The following HSPB8 variants were observed in gnomAD, a reference collection of about 807,000 sequenced individuals.
The protein encoded by HSPB8 is heat shock protein beta-8.
In HSPB8, 9 loss-of-function variants were observed where a neutral mutation model predicts 16.5. That is an observed-to-expected ratio of 0.55 (90% CI 0.33 to 0.95). The LOEUF is 0.95. Among genes scored for constraint, HSPB8 ranks in the 40% least tolerant of loss-of-function variants. The pLI is 0.03. For missense variants in HSPB8, 238 were observed against 251.2 expected (o/e 0.95, Z 0.35); for synonymous variants, 99 against 94.8 (o/e 1.04, Z -0.26).
At chr12:119,181,578 T>C (rs1954637894) in intron 1 of HSPB8, among the ~76,000 whole-genome samples, 1 of 152,212 alleles carries the variant, frequency 6.6e-6, no homozygotes, top group Non-Finnish European at 1.5e-5. Flanking sequence ...AAGATTTATT[T>C]TCCTTTCACA....
At chr12:119,188,223 T>C (rs993598466) in intron 2 of HSPB8, among the ~76,000 whole-genome samples, 38 of 147,692 alleles carry the variant, frequency 2.6e-4, no homozygotes, top group African/African-American at 9.3e-4. Context: ...TTCTGGCCCC[T>C]AAACTCTCTC....
Position 119,194,359 on chromosome 12 carries a change from A to C in HSPB8, c.*501A>C, listed in dbSNP as rs1954731679. The C allele has an allele frequency of 9.2e-6, 2 of 216,848 alleles. No homozygotes were observed. The highest frequency in any genetic ancestry group is 7.9e-5 in the South Asian group (1 of 12,692). The allele number at this position is 216,848 out of a possible 1,614,324, so 13.4% of individuals were successfully genotyped here. ...CTAAAATGGGTGATATACAGGTCTT[A>C]TATCCCCATATGGAATTTATCCATC... On this transcript the variant is annotated 3_prime_UTR_variant, in exon 3 of 3. Coordinates refer to ENST00000281938, the MANE Select transcript of HSPB8 (RefSeq NM_014365.3).
At position 119,179,552 on chromosome 12, in the gene HSPB8, G is replaced by A; in HGVS notation, c.240G>A (p.Gly80=). ...GCCCCACTGCCACCGCCAGGTTTGGGGTGCCTGCCGAGGGCAGGACCCCCC... is the reference window on the plus strand; with the variant it reads ...GCCCCACTGCCACCGCCAGGTTTGGAGTGCCTGCCGAGGGCAGGACCCCCC... ...PRGPTATARF[G]VPAEGRTPPP... is the part of the protein sequence containing the mutation. The change falls in exon 1 of 3, where the codon GGG becomes GGA. Residue 80 remains glycine, a synonymous_variant. Coordinates refer to ENST00000281938, the MANE Select transcript of HSPB8 (RefSeq NM_014365.3). 1 of 1,613,574 alleles carries A rather than the reference G, an allele frequency of 6.2e-7. No individual in the cohort carries two copies. The highest frequency in any genetic ancestry group is 8.5e-7 in the Non-Finnish European group (1 of 1,179,728).
intron 1 of HSPB8, chr12:119,182,825 A>C (rs777924193): frequency 6.6e-6 from 1 of 152,098 alleles, no homozygotes; most frequent in Non-Finnish European, 1.5e-5. Flanking sequence ...TAGGTTTGTT[A>C]ACCCCATTAT....
At chr12:119,185,523 G>A (rs1392029061) in intron 1 of HSPB8, among the ~76,000 whole-genome samples, 5 of 152,058 alleles carry the variant, frequency 3.3e-5, no homozygotes, top group Non-Finnish European at 5.9e-5. Context: ...TAGTAGAGAC[G>A]GAGTTTCACC....
intron 2 of HSPB8, among the ~76,000 whole-genome samples, chr12:119,191,565 G>T (rs1479416631): frequency 6.6e-6 from 1 of 150,514 alleles, no homozygotes; most frequent in East Asian, 1.9e-4. Flanking sequence ...TGTGGCTACA[G>T]GTTGTTGTAC....
intron 2 of HSPB8, 104 bp downstream of exon 2, chr12:119,187,192 A>T: frequency 1.1e-6 from 1 of 890,442 alleles, no homozygotes; most frequent in Admixed American, 1.9e-5. Flanking sequence ...CTCTTTTAAG[A>T]CACCTCCTTG....
intron 1 of HSPB8, among the ~76,000 whole-genome samples, chr12:119,185,567 C>G: frequency 6.6e-6 from 1 of 152,056 alleles, no homozygotes; most frequent in Admixed American, 6.6e-5. Flanking sequence ...CTCTTGACCT[C>G]GTGATCCACC....
intron 1 of HSPB8, 139 bp downstream of exon 1, chr12:119,179,818 C>A: frequency 8.7e-7 from 1 of 1,146,452 alleles, no homozygotes. Flanking sequence ...GGAATGCAGC[C>A]TGCAAAGTTA....
At chr12:119,182,360 C>T (rs899008203) in intron 1 of HSPB8, among the ~76,000 whole-genome samples, 27 of 152,098 alleles carry the variant, frequency 1.8e-4, no homozygotes, top group Admixed American at 4.6e-4. Flanking sequence ...ACTTTCGGGC[C>T]GGGTGCGGTG....
Position 119,179,419 on chromosome 12 carries a change from G to T in HSPB8, c.107G>T (p.Gly36Val), listed in dbSNP as rs1220794443. 1.2e-6 allele frequency: 2 copies of T among 1,614,084 alleles called. No homozygotes were observed. The highest frequency in any genetic ancestry group is 1.7e-6 in the Non-Finnish European group (2 of 1,180,020). ...TCTCGCCTGCTGGATGATGGCTTTG[G>T]CATGGACCCCTTCCCAGACGACTTG... ...LSSRLLDDGFGMDPFPDDLTA... is the reference protein window; with the variant it reads ...LSSRLLDDGFVMDPFPDDLTA... Residue 36 changes from glycine to valine, a missense_variant, in exon 1 of 3, where the codon GGC (glycine) becomes GTC (valine). Physicochemically the swap from Gly to Val is moderately radical, Grantham distance 109 (BLOSUM62 -3). Coordinates refer to ENST00000281938, the MANE Select transcript of HSPB8 (RefSeq NM_014365.3).
In HSPB8 at chr12:119,187,578, G is replaced by A. The variant is rs149164096; in HGVS notation, c.431+490G>A. On this transcript the variant is annotated intron_variant, in intron 2 of 2. Coordinates refer to ENST00000281938, the MANE Select transcript of HSPB8 (RefSeq NM_014365.3). The stretch of plus-strand genomic sequence containing the variant: ...TCGCCATGTTGCCCACACTGGTCTT[G>A]AACTCCTGGGCTCAAGCGATCCACC... 1.0e-3 allele frequency among the ~76,000 whole-genome samples: 155 copies of A among 152,224 alleles called. 2 individuals are homozygous for A. The East Asian group carries it at 0.018, about 18-fold the overall frequency.
chr12:119,193,203 C>T (rs1018633303), intron 2 of HSPB8, among the ~76,000 whole-genome samples: 1 of 152,166 alleles, frequency 6.6e-6, no homozygotes, highest in Non-Finnish European at 1.5e-5. Context: ...ACCATTAATG[C>T]ATTTTGTAGT....
intron 2 of HSPB8, among the ~76,000 whole-genome samples, chr12:119,191,841 G>A (rs1954714539): frequency 6.6e-6 from 1 of 152,132 alleles, no homozygotes; most frequent in Admixed American, 6.5e-5. Context: ...TTGGAGACCA[G>A]GATTCCAATT....
intron 2 of HSPB8, among the ~76,000 whole-genome samples, chr12:119,189,780 T>C (rs1156709976): frequency 6.6e-6 from 1 of 152,120 alleles, no homozygotes; most frequent in African/African-American, 2.4e-5. Context: ...TGGGGACCCC[T>C]GAATATTGGC....
intron 2 of HSPB8, among the ~76,000 whole-genome samples, chr12:119,189,744 T>C (rs1226910752): frequency 2.0e-5 from 3 of 152,172 alleles, no homozygotes; most frequent in Non-Finnish European, 4.4e-5. Flanking sequence ...AGGCCACAGA[T>C]GGGTGCCGGT....
chr12:119,188,359 G>T (rs905394172), intron 2 of HSPB8, among the ~76,000 whole-genome samples: 2 of 151,530 alleles, frequency 1.3e-5, no homozygotes, highest in Admixed American at 6.6e-5. Flanking sequence ...CAATTCTCCG[G>T]CCTCAATCTC....
At chr12:119,183,930 C>T (rs1954655611) in intron 1 of HSPB8, among the ~76,000 whole-genome samples, 1 of 152,218 alleles carries the variant, frequency 6.6e-6, no homozygotes, top group Non-Finnish European at 1.5e-5. Context: ...TGTTTACCTT[C>T]ACATGGTACT....
At chr12:119,184,906 A>G (rs944577239) in intron 1 of HSPB8, among the ~76,000 whole-genome samples, 7 of 152,232 alleles carry the variant, frequency 4.6e-5, no homozygotes, top group Non-Finnish European at 7.3e-5. Flanking sequence ...GTTGTCAAAG[A>G]ATATTTGGTA....
Sources: allele counts gnomAD v4.1 joint callset (sites outside exome capture counted in the v4.1 genomes callset), GRCh38; gene constraint gnomAD v4.1.1; transcripts MANE v1.5; gene names NCBI Gene and HGNC (gene_info 2026-07-23, HGNC 2026-07-21).